Variants in SUSD5 observed in about 807,000 individuals in gnomAD.
SUSD5 encodes sushi domain-containing protein 5.
Under a neutral mutation model 29.5 loss-of-function variants are expected in SUSD5, and 33 were observed. The observed-to-expected ratio is 1.12, with a 90% CI of 0.85 to 1.49. SUSD5 has a LOEUF of 1.49. Among genes scored for constraint, SUSD5 ranks in the 40% most tolerant of loss-of-function variants. SUSD5 has a pLI of 0.00. For missense variants in SUSD5, 776 were observed against 800.6 expected (o/e 0.97, Z 0.37); for synonymous variants, 308 against 325.3 (o/e 0.95, Z 0.57).
At position 33,153,495 on chromosome 3, in the gene SUSD5, C is replaced by T; in HGVS notation, c.1137G>A (p.Gly379=). 6 of 1,614,052 alleles carry T rather than the reference C, an allele frequency of 3.7e-6. No individual in the cohort carries two copies. The highest frequency in any genetic ancestry group is 1.3e-5 in the African/African-American group (1 of 74,996). ...SWLDGYPVTE[G]AWRKTEAEEE... is the part of the protein sequence containing the mutation. ...CTTCTGCCTCTGTCTTCCTCCAAGC[C>T]CCCTCTGTCACAGGGTAGCCATCTA... The change falls in exon 5 of 5, where the codon GGG becomes GGA. Residue 379 remains glycine (G), a synonymous_variant. Transcript: ENST00000309558.
chr3:33,179,614 T>C (rs1441687834), intron 3 of SUSD5, among the ~76,000 whole-genome samples: 2 of 152,170 alleles, frequency 1.3e-5, no homozygotes, highest in Non-Finnish European at 2.9e-5. Flanking sequence ...CACAGAAAGG[T>C]GGGAGAAGGC....
Position 33,183,272 on chromosome 3 carries a change from T to C in SUSD5, c.410-8198A>G, listed in dbSNP as rs117920212. 6.6e-3 allele frequency among the ~76,000 whole-genome samples: 1,011 copies of C among 152,344 alleles called. 33 individuals are homozygous for C. Among genetic ancestry groups the C allele is most frequent in the Admixed American group, 0.048 (735 of 15,300 alleles). ...AATTGGATAACCACTATAATTGTTA[T>C]TGTTTTCTATTTGTTACCGTATTTT... is the stretch of plus-strand genomic sequence containing the variant. On this transcript the variant is annotated intron_variant, in intron 3 of 4. Transcript: ENST00000309558.
chr3:33,178,165 C>G (rs1280136063), intron 3 of SUSD5, among the ~76,000 whole-genome samples: 1 of 152,174 alleles, frequency 6.6e-6, no homozygotes, highest in Non-Finnish European at 1.5e-5. Flanking sequence ...AAGTTCCCCT[C>G]TATTCCTGGT....
chr3:33,214,206 T>C (rs2032381663), intron 1 of SUSD5, 101 bp from the exon 2 acceptor site: 1 of 1,189,446 alleles, frequency 8.4e-7, no homozygotes, highest in Non-Finnish European at 1.1e-6. Flanking sequence ...CTGTAGTCCT[T>C]GCCTGAAGGC....
At chr3:33,202,012 A>G (rs2032127170) in intron 3 of SUSD5, among the ~76,000 whole-genome samples, 1 of 147,462 alleles carries the variant, frequency 6.8e-6, no homozygotes, top group African/African-American at 2.5e-5. Flanking sequence ...ACTCCTTGAG[A>G]GAGGGGAGAA....
At chr3:33,183,927 C>CTTTTTTTTT (rs2031724872) in intron 3 of SUSD5, among the ~76,000 whole-genome samples, 1 of 88,238 alleles carries the variant, frequency 1.1e-5, no homozygotes, top group African/African-American at 4.9e-5. Flanking sequence ...ATTTTATTAC[C>CTTTTTTTTT]CTCTTTTTTT....
chr3:33,178,720 G>A (rs910845510), intron 3 of SUSD5, among the ~76,000 whole-genome samples: 2 of 152,186 alleles, frequency 1.3e-5, no homozygotes, highest in Admixed American at 1.3e-4. Context: ...TTACAGGCGT[G>A]AGCCACCGCG....
intron 3 of SUSD5, among the ~76,000 whole-genome samples, chr3:33,205,837 T>C (rs893174462): frequency 8.5e-5 from 13 of 152,138 alleles, no homozygotes; most frequent in Non-Finnish European, 1.9e-4. Context: ...AGCAACCAAA[T>C]TGGTGGTTTG....
Position 33,178,532 on chromosome 3 carries a change from C to T in SUSD5, c.410-3458G>A, listed in dbSNP as rs141789671. Among the ~76,000 whole-genome samples the T allele has an allele frequency of 1.5e-3, 233 of 152,024 alleles. 4 individuals carry two copies. Among genetic ancestry groups the T allele is most frequent in the Admixed American group, 0.012 (190 of 15,274 alleles). ...CGTGATTTTGGCTCACTGCAGGCTC[C>T]GCCTCCCGGGATCATGCCATTTTCC... is the stretch of plus-strand genomic sequence containing the variant. On this transcript the variant is annotated intron_variant, in intron 3 of 4. Transcript: ENST00000309558.
chr3:33,190,576 T>G (rs2031871055), intron 3 of SUSD5, among the ~76,000 whole-genome samples: 1 of 152,212 alleles, frequency 6.6e-6, no homozygotes, highest in Admixed American at 6.5e-5. Flanking sequence ...TTGTTTCTAT[T>G]TCTTCCTTAC....
In SUSD5 at chr3:33,150,982, A is replaced by G. The variant is rs1237781521; in HGVS notation, c.*1760T>C. Reference sequence around the variant, plus strand: ...ATATAACATGTTTCATTTCTGTGCCAACATACAGGAGACTATTGCAGGTGG... The same window carrying G: ...ATATAACATGTTTCATTTCTGTGCCGACATACAGGAGACTATTGCAGGTGG... On this transcript the variant is annotated 3_prime_UTR_variant, in exon 5 of 5. Transcript: ENST00000309558. 2.0e-5 allele frequency: 3 copies of G among 152,240 alleles called. No homozygotes were observed. Among genetic ancestry groups the G allele is most frequent in the Non-Finnish European group, 2.9e-5 (2 of 68,036 alleles). The allele number at this position is 152,240 out of a possible 1,614,324, so 9.4% of individuals were successfully genotyped here.
chr3:33,159,724 CAA>C (rs1327553357), intron 4 of SUSD5, among the ~76,000 whole-genome samples: 1 of 149,812 alleles, frequency 6.7e-6, no homozygotes, highest in Non-Finnish European at 1.5e-5. Context: ...CACACACACA[CAA>C]ACACAAACAT....
intron 3 of SUSD5, among the ~76,000 whole-genome samples, chr3:33,185,586 C>T (rs1387605809): frequency 6.6e-6 from 1 of 152,148 alleles, no homozygotes; most frequent in Non-Finnish European, 1.5e-5. Context: ...AGCAGTTTGC[C>T]CTGTGACCTC....
At chr3:33,168,676 A>G (rs55756470) in intron 4 of SUSD5, 312,980 of 807,934 alleles carry the variant, frequency 0.39, 62,521 homozygotes, top group East Asian at 0.72. Flanking sequence ...TTGAGACAGA[A>G]TCTCACTCCG....
intron 2 of SUSD5, among the ~76,000 whole-genome samples, chr3:33,210,209 AT>A (rs2032296521): frequency 6.6e-6 from 1 of 152,208 alleles, no homozygotes; most frequent in Non-Finnish European, 1.5e-5. Context: ...AGCACTGGAA[AT>A]TCAGGGTCAT....
At chr3:33,185,529 G>C (rs1351080669) in intron 3 of SUSD5, among the ~76,000 whole-genome samples, 1 of 151,906 alleles carries the variant, frequency 6.6e-6, no homozygotes, top group Non-Finnish European at 1.5e-5. Flanking sequence ...TTCTGCTTAG[G>C]TAACTTGTGA....
intron 4 of SUSD5, among the ~76,000 whole-genome samples, chr3:33,163,089 T>C (rs7635234): frequency 0.83 from 126,580 of 152,128 alleles, 53,237 homozygotes; most frequent in East Asian, 1. Flanking sequence ...CAGGTGGATT[T>C]ACCAATGAAT....
chr3:33,216,635 C>A (rs929926548), intron 1 of SUSD5, among the ~76,000 whole-genome samples: 3 of 152,168 alleles, frequency 2.0e-5, no homozygotes, highest in Non-Finnish European at 2.9e-5. Flanking sequence ...ATTCTGCCCA[C>A]GCACATGATT....
At position 33,174,956 on chromosome 3, in the gene SUSD5, C is replaced by A. The variant is rs1009662569; in HGVS notation, c.528G>T (p.Arg176=). 3 of 1,613,912 alleles carry A rather than the reference C, an allele frequency of 1.9e-6. No homozygotes were observed. The highest frequency in any genetic ancestry group is 1.7e-6 in the Non-Finnish European group (2 of 1,179,898). The stretch of plus-strand genomic sequence containing the variant: ...TACATAGCAAGGTGAAGGCGGTCTC[C>A]CGGTGGCCCATGATGTGGCCTGGGG... The part of the protein sequence containing the change: ...VCAPGHIMGH[R]ETAFTLLCNS... Residue 176 remains arginine, a synonymous_variant, in exon 4 of 5, where the codon CGG becomes CGT. Transcript: ENST00000309558.
Sources: gnomAD v4.1 joint callset for allele counts (sites outside exome capture counted in the v4.1 genomes callset) on GRCh38, gnomAD v4.1.1 for gene constraint, MANE v1.5 for transcripts, NCBI Gene and HGNC (gene_info 2026-07-23, HGNC 2026-07-21) for gene names.